Variants in GAS2 observed in about 807,000 individuals in gnomAD.
GAS2 encodes the protein growth arrest specific 2, also known as growth arrest-specific protein 2.
A neutral mutation model predicts 37.5 loss-of-function variants in GAS2; 20 were observed. The ratio of observed to expected loss-of-function variants is 0.53; its 90% CI spans 0.37 to 0.77. The LOEUF (loss-of-function observed/expected upper bound fraction) is 0.77, where lower values mean the gene tolerates loss of function less well. Among genes scored for constraint, GAS2 ranks in the 30% least tolerant of loss-of-function variants. The pLI, the probability that GAS2 is intolerant of heterozygous loss-of-function variation, is 0.00. For synonymous variants in GAS2, 144 were observed against 132.2 expected, an observed-to-expected ratio of 1.09 and a Z score of -0.61; for missense variants, 336 against 373.4, an observed-to-expected ratio of 0.90 and a Z score of 0.82.
rs117533866 is a variant in GAS2, at chr11:22,729,898, T to A, written c.409+3465T>A. On this transcript the variant is annotated intron_variant, in intron 4 of 7. Coordinates refer to ENST00000454584, the MANE Select transcript of GAS2 (RefSeq NM_001143830.3). ...GGCATGCTTTCTTTGGAAGGCAATT[T>A]TATATCAAAGACCTCAGAAGTATTT... Among the ~76,000 whole-genome samples the A allele has an allele frequency of 2.0e-3, 305 of 151,982 alleles. 8 individuals carry two copies. The East Asian group carries it at 0.049, about 24-fold the overall frequency.
chr11:22,806,352 C>T (rs527909454), intron 7 of GAS2, among the ~76,000 whole-genome samples: 104 of 152,188 alleles, frequency 6.8e-4, no homozygotes, highest in African/African-American at 2.4e-3. Flanking sequence ...CATCCATTAA[C>T]GGACATGTAG....
chr11:22,789,423 G>GATATATATAAATATATATATATATATAA (rs1491294585), intron 7 of GAS2, among the ~76,000 whole-genome samples: 22 of 71,162 alleles, frequency 3.1e-4, no homozygotes, highest in African/African-American at 1.2e-3. Context: ...TATCTCATAT[G>GATATATATAAATATATATATATATATAA]AGATATATAT....
chr11:22,679,902 G>A (rs1306471929), intron 2 of GAS2, among the ~76,000 whole-genome samples: 1 of 152,090 alleles, frequency 6.6e-6, no homozygotes, highest in African/African-American at 2.4e-5. Context: ...GACAGTTGAT[G>A]TCATGGTAAT....
In GAS2 at chr11:22,766,054, C is replaced by T. The variant is rs533844517; in HGVS notation, c.723+10101C>T. The stretch of plus-strand genomic sequence containing the variant: ...GCTCACTTATCACCAAAGGGATGGC[C>T]CAAGCCATTCATGAGGTATCTGCCC... On this transcript the variant is annotated intron_variant, in intron 7 of 7. Transcript: ENST00000454584. 3.9e-5 allele frequency among the ~76,000 whole-genome samples: 6 copies of T among 152,268 alleles called. No individual in the cohort carries two copies. In the East Asian group the frequency reaches 1.2e-3, roughly 29 times the overall value.
At chr11:22,670,031 G>T (rs1367321393) in intron 1 of GAS2, among the ~76,000 whole-genome samples, 1 of 152,112 alleles carries the variant, frequency 6.6e-6, no homozygotes, top group Non-Finnish European at 1.5e-5. Context: ...TTCCTGGGTG[G>T]TTTATTCTTT....
At chr11:22,645,955 T>A (rs905642664) in intron 1 of GAS2, among the ~76,000 whole-genome samples, 2 of 151,788 alleles carry the variant, frequency 1.3e-5, no homozygotes, top group African/African-American at 4.8e-5. Flanking sequence ...GCCATTCTCC[T>A]GCCTCAGCCT....
chr11:22,746,070 T>C (rs985642107), intron 5 of GAS2, among the ~76,000 whole-genome samples: 5 of 152,120 alleles, frequency 3.3e-5, no homozygotes, highest in African/African-American at 1.2e-4. Context: ...TAGTCCCAGC[T>C]ACTCAGAGGG....
At chr11:22,802,276 G>A (rs1296571105) in intron 7 of GAS2, among the ~76,000 whole-genome samples, 1 of 151,978 alleles carries the variant, frequency 6.6e-6, no homozygotes, top group Non-Finnish European at 1.5e-5. Flanking sequence ...CTTGGACACA[G>A]GGTGGGGAAC....
chr11:22,809,930 T>C (rs1221882737), intron 7 of GAS2, among the ~76,000 whole-genome samples: 5 of 152,136 alleles, frequency 3.3e-5, no homozygotes, highest in Non-Finnish European at 5.9e-5. Flanking sequence ...GGGGTTCTCA[T>C]TGAGATTTTG....
chr11:22,736,765 T>C (rs1462492799), intron 4 of GAS2, among the ~76,000 whole-genome samples: 2 of 152,158 alleles, frequency 1.3e-5, no homozygotes, highest in Non-Finnish European at 2.9e-5. Context: ...AATAAGCTAA[T>C]ATTTTCCTTT....
intron 7 of GAS2, among the ~76,000 whole-genome samples, chr11:22,789,454 A>ATTTTT (rs1564889929): frequency 3.3e-5 from 2 of 61,210 alleles, no homozygotes; most frequent in East Asian, 4.6e-4. Context: ...ATATATATAT[A>ATTTTT]TTCTTTTTTT....
intron 7 of GAS2, 141 bp downstream of exon 7, chr11:22,756,094 A>G (rs1159251871): frequency 8.3e-6 from 5 of 605,082 alleles, no homozygotes; most frequent in South Asian, 6.1e-5. Context: ...TTAAAGTAAC[A>G]TACATTATAA....
At chr11:22,660,927 A>G (rs1444395425) in intron 1 of GAS2, among the ~76,000 whole-genome samples, 3 of 152,198 alleles carry the variant, frequency 2.0e-5, no homozygotes, top group Non-Finnish European at 4.4e-5. Context: ...CTTTAATGAG[A>G]TCATTTTAAG....
intron 3 of GAS2, among the ~76,000 whole-genome samples, chr11:22,698,267 T>A (rs1427460967): frequency 2.0e-5 from 3 of 152,082 alleles, no homozygotes; most frequent in Non-Finnish European, 2.9e-5. Context: ...TAGAAAATCT[T>A]GAAGAAATGG....
At chr11:22,742,918 A>G (rs1202207571) in intron 5 of GAS2, among the ~76,000 whole-genome samples, 1 of 152,112 alleles carries the variant, frequency 6.6e-6, no homozygotes, top group Non-Finnish European at 1.5e-5. Flanking sequence ...CAAATATGAT[A>G]TTTTTCACTT....
intron 7 of GAS2, among the ~76,000 whole-genome samples, chr11:22,800,298 A>C (rs78954232): frequency 1.3e-5 from 2 of 152,094 alleles, no homozygotes; most frequent in Admixed American, 6.6e-5. Flanking sequence ...TCTGACCACC[A>C]TGGGGATGCT....
intron 7 of GAS2, among the ~76,000 whole-genome samples, chr11:22,810,302 T>A (rs1459265754): frequency 6.6e-6 from 1 of 152,138 alleles, no homozygotes; most frequent in Non-Finnish European, 1.5e-5. Flanking sequence ...AGGGGTCTCA[T>A]GTCTCATTGT....
At chr11:22,768,147 G>A (rs1371446771) in intron 7 of GAS2, among the ~76,000 whole-genome samples, 1 of 152,208 alleles carries the variant, frequency 6.6e-6, no homozygotes, top group Admixed American at 6.5e-5. Flanking sequence ...AGCAGAATAA[G>A]ATCTTAAGGA....
chr11:22,703,982 G>A (rs1196641991), intron 3 of GAS2, among the ~76,000 whole-genome samples: 1 of 152,084 alleles, frequency 6.6e-6, no homozygotes, highest in Middle Eastern at 3.2e-3. Context: ...TGCATATCTT[G>A]AAGCCAAAAG....
Sources: allele counts gnomAD v4.1 joint callset (sites outside exome capture counted in the v4.1 genomes callset), GRCh38; gene constraint gnomAD v4.1.1; transcripts MANE v1.5; gene names NCBI Gene and HGNC (gene_info 2026-07-23, HGNC 2026-07-21).